The following LIPC variants were observed in gnomAD, a reference collection of about 807,000 sequenced individuals.
LIPC encodes the protein lipase C, hepatic type, also known as hepatic triacylglycerol lipase.
A neutral mutation model predicts 50.7 loss-of-function variants in LIPC; 44 were observed. The ratio of observed to expected loss-of-function variants is 0.87; its 90% CI spans 0.68 to 1.11. The LOEUF is 1.11. Among genes scored for constraint, LIPC ranks in the 50% most tolerant of loss-of-function variants. The pLI is 0.00. For synonymous variants in LIPC, 271 were observed against 256.4 expected, an observed-to-expected ratio of 1.06 and a Z score of -0.54; for missense variants, 697 against 648.2, an observed-to-expected ratio of 1.08 and a Z score of -0.82.
intron 1 of LIPC, among the ~76,000 whole-genome samples, chr15:58,469,829 C>T (rs1328805643): frequency 6.6e-6 from 1 of 152,192 alleles, no homozygotes; most frequent in Non-Finnish European, 1.5e-5. Context: ...TGGCTAGGAC[C>T]TCCCCGCGGC....
chr15:58,535,281 A>G (rs1444215717), intron 1 of LIPC, among the ~76,000 whole-genome samples: 1 of 152,186 alleles, frequency 6.6e-6, no homozygotes, highest in African/African-American at 2.4e-5. Flanking sequence ...TTTGCCTCCA[A>G]CTAGTACCTA....
At chr15:58,523,531 G>A (rs931170211) in intron 1 of LIPC, among the ~76,000 whole-genome samples, 4 of 149,510 alleles carry the variant, frequency 2.7e-5, no homozygotes, top group African/African-American at 7.4e-5. Flanking sequence ...TCTGGGGCAT[G>A]AAGGGGCTGC....
intron 1 of LIPC, among the ~76,000 whole-genome samples, chr15:58,497,409 A>G (rs1333119891): frequency 3.9e-5 from 6 of 152,190 alleles, no homozygotes; most frequent in Non-Finnish European, 8.8e-5. Context: ...CTCTGAGCCC[A>G]AAGACCTTCT....
At chr15:58,532,718 A>C (rs1478569257) in intron 1 of LIPC, among the ~76,000 whole-genome samples, 2 of 152,172 alleles carry the variant, frequency 1.3e-5, no homozygotes, top group Non-Finnish European at 2.9e-5. Context: ...TCCTGACTCC[A>C]ATCGGGCCTC....
At chr15:58,494,019 G>C (rs1019218895) in intron 1 of LIPC, among the ~76,000 whole-genome samples, 2 of 152,206 alleles carry the variant, frequency 1.3e-5, no homozygotes, top group Non-Finnish European at 2.9e-5. Context: ...ACAGAGGTAA[G>C]ACTCCACTGA....
intron 1 of LIPC, among the ~76,000 whole-genome samples, chr15:58,439,165 T>G (rs1439954577): frequency 6.6e-6 from 1 of 152,214 alleles, no homozygotes; most frequent in Non-Finnish European, 1.5e-5. Context: ...CCTCATTGTG[T>G]GTGTCCTGTG....
At chr15:58,466,243 A>G (rs1894558784) in intron 1 of LIPC, among the ~76,000 whole-genome samples, 2 of 152,226 alleles carry the variant, frequency 1.3e-5, no homozygotes, top group Non-Finnish European at 2.9e-5. Flanking sequence ...CTTTCCACCT[A>G]ATGGTGGTGT....
chr15:58,518,867 G>A (rs1257977370), intron 1 of LIPC, among the ~76,000 whole-genome samples: 2 of 151,850 alleles, frequency 1.3e-5, no homozygotes, highest in African/African-American at 2.4e-5. Flanking sequence ...TGATGGTGGT[G>A]GTGGTTACGG....
Position 58,489,224 on chromosome 15 carries a change from G to GT in LIPC, c.89-49109_89-49108insT, listed in dbSNP as rs1555400851. ...TAGGGATTCATTTTGTTGCGGGGGC[G>GT]GGGGGGCGGCTTACAAGCTTCCCAG... On this transcript the variant is annotated intron_variant, in intron 1 of 8. Transcript: ENST00000299022. 5.5e-5 allele frequency among the ~76,000 whole-genome samples: 5 copies of GT among 91,232 alleles called. 1 individual carries two copies. The South Asian group carries it at 1.0e-3, about 19-fold the overall frequency. 59.9% of individuals were successfully genotyped at this position (91,232 alleles called of 152,430 possible).
At chr15:58,442,507 A>G (rs1893541299) in intron 1 of LIPC, among the ~76,000 whole-genome samples, 1 of 152,230 alleles carries the variant, frequency 6.6e-6, no homozygotes, top group Non-Finnish European at 1.5e-5. Flanking sequence ...GACAATGAAA[A>G]TAGGTATTTG....
chr15:58,522,514 C>G (rs1207520803), intron 1 of LIPC: 1 of 152,828 alleles, frequency 6.5e-6, no homozygotes. Context: ...GGCTCACCTC[C>G]AGCCTCAGGC....
At chr15:58,501,372 G>A (rs1335883084) in intron 1 of LIPC, among the ~76,000 whole-genome samples, 3 of 129,442 alleles carry the variant, frequency 2.3e-5, no homozygotes, top group Non-Finnish European at 3.3e-5. Context: ...TTTAATGCCT[G>A]AAGTTTTTTT....
At chr15:58,509,987 G>T (rs997944934) in intron 1 of LIPC, among the ~76,000 whole-genome samples, 21 of 151,988 alleles carry the variant, frequency 1.4e-4, no homozygotes, top group South Asian at 6.2e-4. Flanking sequence ...AGAAAAAGAA[G>T]AAGCTATTTA....
chr15:58,516,659 T>G (rs989520260), intron 1 of LIPC, among the ~76,000 whole-genome samples: 7 of 152,232 alleles, frequency 4.6e-5, no homozygotes, highest in Admixed American at 3.3e-4. Context: ...TTTTTGAATC[T>G]CTAGAAGTTC....
chr15:58,469,707 C>T (rs930666534), intron 1 of LIPC, among the ~76,000 whole-genome samples: 7 of 152,170 alleles, frequency 4.6e-5, no homozygotes, highest in Admixed American at 1.3e-4. Flanking sequence ...ACACTGTGGC[C>T]GTTGCAAAAC....
intron 1 of LIPC, among the ~76,000 whole-genome samples, chr15:58,448,987 T>C (rs578132164): frequency 6.6e-6 from 1 of 151,912 alleles, no homozygotes; most frequent in South Asian, 2.1e-4. Flanking sequence ...ACGAGAAAAC[T>C]GTGAGAAAAG....
At chr15:58,494,937 A>G in intron 1 of LIPC, 1 of 451,196 alleles carries the variant, frequency 2.2e-6, no homozygotes, top group South Asian at 1.6e-5. Flanking sequence ...TCACTGGGCT[A>G]TCACAGGTTC....
chr15:58,464,725 C>A (rs1566916561), intron 1 of LIPC, among the ~76,000 whole-genome samples: 2 of 152,204 alleles, frequency 1.3e-5, no homozygotes, highest in African/African-American at 4.8e-5. Context: ...GTAATCCCAG[C>A]ACTTTGGGAA....
intron 1 of LIPC, among the ~76,000 whole-genome samples, chr15:58,462,190 C>A (rs1201079559): frequency 6.6e-6 from 1 of 152,190 alleles, no homozygotes; most frequent in Non-Finnish European, 1.5e-5. Context: ...TCCACCTTCC[C>A]TATAGGATCG....
Sources: allele counts gnomAD v4.1 joint callset (sites outside exome capture counted in the v4.1 genomes callset), GRCh38; gene constraint gnomAD v4.1.1; transcripts MANE v1.5; gene names NCBI Gene and HGNC (gene_info 2026-07-23, HGNC 2026-07-21).